The following LRGUK variants were observed in gnomAD, a reference collection of about 807,000 sequenced individuals.
The protein encoded by LRGUK is leucine-rich repeat and guanylate kinase domain-containing protein.
LRGUK carries 65 observed loss-of-function variants against 76.0 expected under a neutral mutation model. The ratio of observed to expected loss-of-function variants is 0.85; its 90% CI spans 0.70 to 1.05. The LOEUF is 1.05. Among genes scored for constraint, LRGUK ranks in the 50% least tolerant of loss-of-function variants. The probability of loss-of-function intolerance (pLI) is 0.00; values close to 1 mark genes in which losing one functional copy is unlikely to be tolerated. For missense variants in LRGUK, 758 were observed against 732.8 expected (o/e 1.03, Z -0.40); for synonymous variants, 268 against 265.6 (o/e 1.01, Z -0.09).
intron 16 of LRGUK, among the ~76,000 whole-genome samples, chr7:134,226,098 A>T (rs1332007547): frequency 6.6e-6 from 1 of 152,152 alleles, no homozygotes; most frequent in Non-Finnish European, 1.5e-5. Context: ...ATCCAAAAGA[A>T]AAAAGGCATT....
the LRGUK span, among the ~76,000 whole-genome samples, chr7:134,275,130 C>G: frequency 6.6e-6 from 1 of 151,674 alleles, no homozygotes; most frequent in Non-Finnish European, 1.5e-5. Context: ...TAATTTTTTT[C>G]ATTTCTCCCT....
At chr7:134,186,002 A>G (rs1366076422) in intron 11 of LRGUK, among the ~76,000 whole-genome samples, 6 of 152,228 alleles carry the variant, frequency 3.9e-5, no homozygotes, top group African/African-American at 7.2e-5. Context: ...GCTGAACGCA[A>G]TGAATGGAAG....
rs75551712 is a variant in LRGUK, at chr7:134,225,590, C to T, written c.1983+3672C>T. Among the ~76,000 whole-genome samples, 1,867 of 152,246 alleles carry T rather than the reference C, an allele frequency of 0.012. 80 individuals carry two copies. In the East Asian group the frequency reaches 0.15, roughly 12 times the overall value. On this transcript the variant is annotated intron_variant, in intron 16 of 19. Coordinates refer to the LRGUK transcript ENST00000285928. ...TTTCATAGAAAAGCAAATCAAACTC[C>T]CTCAGAACTAACAGATTCACTCTTA...
chr7:134,138,876 C>A (rs427047), intron 2 of LRGUK, among the ~76,000 whole-genome samples: 151,424 of 152,324 alleles, frequency 0.99, 75,275 homozygotes, highest in Middle Eastern at 1. Context: ...GGCTGTTAAC[C>A]TACCTCTCTG....
At chr7:134,238,677 T>C (rs1414213919) in intron 16 of LRGUK, among the ~76,000 whole-genome samples, 3 of 152,188 alleles carry the variant, frequency 2.0e-5, no homozygotes, top group Admixed American at 1.3e-4. Context: ...TCTGAATTAG[T>C]AGATTGCAGA....
chr7:134,177,083 C>T lies in LRGUK; in HGVS notation c.1107+20C>T, dbSNP rs767054335. The T allele has an allele frequency of 2.3e-5, 34 of 1,483,340 alleles. No homozygotes were observed. The highest frequency in any genetic ancestry group is 3.1e-5 in the Non-Finnish European group (33 of 1,071,168). The allele number at this position is 1,483,340 out of a possible 1,614,324, so 91.9% of individuals were successfully genotyped here. On this transcript the variant is annotated intron_variant, in intron 9 of 15. Transcript: ENST00000645682. ...GAAAAGGTATGTAATCATGTCATAA[C>T]ATTACCATTGTGTTATTGGGTTAAT...
chr7:134,220,420 A>G (rs1801558481), intron 15 of LRGUK, among the ~76,000 whole-genome samples: 1 of 152,142 alleles, frequency 6.6e-6, no homozygotes, highest in Non-Finnish European at 1.5e-5. Flanking sequence ...TCAAGTTCAG[A>G]TTCCAAACCA....
chr7:134,251,723 A>C (rs1461561978), intron 18 of LRGUK, among the ~76,000 whole-genome samples: 1 of 152,218 alleles, frequency 6.6e-6, no homozygotes, highest in African/African-American at 2.4e-5. Context: ...AAAAGATGGA[A>C]GAACATCTTT....
chr7:134,165,778 T>C (rs1339978922), intron 7 of LRGUK, among the ~76,000 whole-genome samples: 1 of 152,190 alleles, frequency 6.6e-6, no homozygotes, highest in African/African-American at 2.4e-5. Flanking sequence ...GTAATTACCA[T>C]ATGGGACAGC....
chr7:134,148,873 C>T (rs1160228501), intron 5 of LRGUK, among the ~76,000 whole-genome samples: 1 of 151,772 alleles, frequency 6.6e-6, no homozygotes, highest in Non-Finnish European at 1.5e-5. Flanking sequence ...CAAGATTGTG[C>T]CACTGCACTC....
chr7:134,178,842 G>A (rs1799602482), intron 10 of LRGUK, among the ~76,000 whole-genome samples: 1 of 143,906 alleles, frequency 6.9e-6, no homozygotes, highest in African/African-American at 2.6e-5. Context: ...ATTTTCCCAA[G>A]CATGGTGATG....
At chr7:134,181,978 T>C (rs1799771845) in intron 10 of LRGUK, among the ~76,000 whole-genome samples, 1 of 152,198 alleles carries the variant, frequency 6.6e-6, no homozygotes, top group Non-Finnish European at 1.5e-5. Flanking sequence ...CTTGTAATAC[T>C]CTATAATAGC....
intron 18 of LRGUK, among the ~76,000 whole-genome samples, chr7:134,255,954 TCTGGTC>T (rs1385598346): frequency 1.3e-5 from 2 of 152,116 alleles, no homozygotes; most frequent in Non-Finnish European, 2.9e-5. Flanking sequence ...TCAGCCACCA[TCTGGTC>T]CTGGAGTCAT....
intron 17 of LRGUK, among the ~76,000 whole-genome samples, chr7:134,248,006 T>C (rs1802351880): frequency 6.6e-6 from 1 of 152,260 alleles, no homozygotes; most frequent in Non-Finnish European, 1.5e-5. Flanking sequence ...AAGTTATCTA[T>C]TGAGAATCTT....
rs1797080317 is a variant in LRGUK, at chr7:134,127,804, C to A, written c.297+140C>A. ...TCTCTCGCCTCCAGGAACGCCTCTT[C>A]CCCCTCTTTTCTTCCCCTGTCTTTT... On this transcript the variant is annotated intron_variant, in intron 1 of 15. Coordinates refer to ENST00000645682, the Ensembl canonical transcript of LRGUK. 7.6e-6 allele frequency: 7 copies of A among 921,692 alleles called. No individual in the cohort carries two copies. The Admixed American group carries it at 1.2e-4, about 15-fold the overall frequency. 57.1% of individuals were successfully genotyped at this position (921,692 alleles called of 1,614,324 possible).
downstream of LRGUK, among the ~76,000 whole-genome samples, chr7:134,214,971 A>G (rs1369039564): frequency 2.0e-5 from 3 of 152,154 alleles, no homozygotes; most frequent in Non-Finnish European, 4.4e-5. Flanking sequence ...AGGTCTTCAT[A>G]TGTTGGGTGA....
chr7:134,193,401 T>G, intron 12 of LRGUK, among the ~76,000 whole-genome samples: 1 of 152,200 alleles, frequency 6.6e-6, no homozygotes, highest in Non-Finnish European at 1.5e-5. Flanking sequence ...AATTTTTTTC[T>G]CACGTCAGTT....
chr7:134,170,070 CA>C (rs1007969212), intron 7 of LRGUK, among the ~76,000 whole-genome samples: 1 of 151,916 alleles, frequency 6.6e-6, no homozygotes, highest in Non-Finnish European at 1.5e-5. Flanking sequence ...CAGTATTTTG[CA>C]TTATTTTATA....
chr7:134,187,998 T>C lies in LRGUK; in HGVS notation c.1335-3657T>C, dbSNP rs544063757. ...ATGATATGAGCTGTAGCAACCTAAATGCAGTCTCAGCTAAGGTGTCTGTTT... is the reference window on the plus strand; with the variant it reads ...ATGATATGAGCTGTAGCAACCTAAACGCAGTCTCAGCTAAGGTGTCTGTTT... On this transcript the variant is annotated intron_variant, in intron 11 of 15. Transcript: ENST00000645682. Among the ~76,000 whole-genome samples the C allele has an allele frequency of 2.6e-5, 4 of 152,344 alleles. No individual in the cohort carries two copies. The South Asian group carries it at 6.2e-4, about 24-fold the overall frequency.
Sources: allele counts gnomAD v4.1 joint callset (sites outside exome capture counted in the v4.1 genomes callset), GRCh38; gene constraint gnomAD v4.1.1; transcripts MANE v1.5; gene names NCBI Gene and HGNC (gene_info 2026-07-23, HGNC 2026-07-21).